Variants in PPP1R3F observed in about 807,000 individuals in gnomAD.
PPP1R3F encodes protein phosphatase 1 regulatory subunit 3F.
In PPP1R3F, 29 loss-of-function variants were observed where a neutral mutation model predicts 24.2. That is an observed-to-expected ratio of 1.20 (90% CI 0.89 to 1.63). The LOEUF (loss-of-function observed/expected upper bound fraction) is 1.63, where lower values mean the gene tolerates loss of function less well. Ranked by LOEUF, PPP1R3F falls within the 40% of genes most tolerant of loss-of-function variation. PPP1R3F has a pLI of 0.00. For synonymous variants in PPP1R3F, 363 were observed against 340.1 expected (o/e 1.07, Z -0.74); for missense variants, 823 against 729.3 (o/e 1.13, Z -1.48).
intron 3 of PPP1R3F, among the ~76,000 whole-genome samples, chrX:49,298,009 C>A (rs1224578269): frequency 9.1e-6 from 1 of 109,704 alleles, no homozygotes; most frequent in African/African-American, 3.3e-5. Context: ...GCATTTAGCC[C>A]GTTTACATTT....
intron 3 of PPP1R3F, among the ~76,000 whole-genome samples, chrX:49,298,952 G>A (rs1307244403): frequency 9.1e-6 from 1 of 109,530 alleles, no homozygotes; most frequent in Non-Finnish European, 1.9e-5. Flanking sequence ...GTAAGAACAT[G>A]CTCCTTTAGC....
chrX:49,276,973 G>GC lies in PPP1R3F; in HGVS notation c.1005-4433_1005-4432insC, dbSNP rs1335645149. ...TCAGGTTGACTACATGGGAGCCGGG[G>GC]TCTGCTGAGTTTCCCTTTGGGTTTC... On this transcript the variant is annotated intron_variant, in intron 1 of 3. Coordinates refer to ENST00000055335, the MANE Select transcript of PPP1R3F (RefSeq NM_033215.5). Among the ~76,000 whole-genome samples the GC allele has an allele frequency of 2.7e-5, 3 of 112,517 alleles. No individual in the cohort carries two copies. In the Admixed American group the frequency reaches 2.8e-4, roughly 11 times the overall value.
downstream of PPP1R3F, among the ~76,000 whole-genome samples, chrX:49,291,087 A>G (rs1328055152): frequency 2.3e-4 from 26 of 111,836 alleles, no homozygotes; most frequent in Admixed American, 2.5e-3. Flanking sequence ...CCTGGGTTCA[A>G]GTGATCCTCC....
downstream of PPP1R3F, among the ~76,000 whole-genome samples, chrX:49,288,684 G>A (rs1447940194): frequency 8.9e-6 from 1 of 112,393 alleles, no homozygotes; most frequent in Non-Finnish European, 1.9e-5. Flanking sequence ...AAGGAAGTGT[G>A]TTAGACCAGT....
At chrX:49,298,659 T>G (rs782248945) in intron 3 of PPP1R3F, among the ~76,000 whole-genome samples, 1 of 111,805 alleles carries the variant, frequency 8.9e-6, no homozygotes, top group South Asian at 3.7e-4. Flanking sequence ...CAGTCAAATG[T>G]AGGTTTGGTC....
intron 3 of PPP1R3F, among the ~76,000 whole-genome samples, chrX:49,295,739 C>T (rs1428854159): frequency 9.0e-6 from 1 of 110,685 alleles, no homozygotes; most frequent in East Asian, 2.8e-4. Flanking sequence ...GCCAGTGAAA[C>T]CATCTGGACC....
intron 3 of PPP1R3F, among the ~76,000 whole-genome samples, chrX:49,296,892 A>T (rs782639868): frequency 9.0e-6 from 1 of 111,434 alleles, no homozygotes; most frequent in African/African-American, 3.3e-5. Flanking sequence ...GTTTGTTATG[A>T]TTTCTGTTCT....
rs782121954 is a variant in PPP1R3F at position 49,270,700 on chromosome X, C to T, written c.831C>T (p.His277=). 23 of 1,207,539 alleles carry T rather than the reference C, an allele frequency of 1.9e-5. No individual in the cohort carries two copies. In the South Asian group the frequency reaches 2.5e-4, roughly 13 times the overall value. Residue 277 remains histidine (H), a synonymous_variant, in exon 1 of 4, where the codon CAC becomes CAT. Transcript: ENST00000055335. ...TPEGTFWANN[H]GRNYTVLLRI... is the part of the protein sequence containing the mutation. ...AGGGCACTTTCTGGGCCAACAACCA[C>T]GGCCGCAACTACACAGTCCTGCTCC...
At chrX:49,271,024 A>C in intron 1 of PPP1R3F, 151 bp downstream of exon 1, 1 of 545,480 alleles carries the variant, frequency 1.8e-6, no homozygotes. Flanking sequence ...GAGGTCAAAC[A>C]CGTGCTAGGC....
At chrX:49,291,275 G>A (rs918522787), downstream of PPP1R3F, among the ~76,000 whole-genome samples, 4 of 57,155 alleles carry the variant, frequency 7.0e-5, no homozygotes, top group Non-Finnish European at 1.2e-4. Flanking sequence ...GCATGAGCAC[G>A]TCCAGCCTAC....
chrX:49,283,935 C>G (rs2066264510), intron 3 of PPP1R3F, among the ~76,000 whole-genome samples: 1 of 111,482 alleles, frequency 9.0e-6, no homozygotes, highest in African/African-American at 3.3e-5. Flanking sequence ...TAAAGAAAAA[C>G]TGTCCCACAC....
At chrX:49,282,443 C>CTGTGTGTGTGTGTGTGTG (rs545507997) in intron 3 of PPP1R3F, among the ~76,000 whole-genome samples, 2 of 73,950 alleles carry the variant, frequency 2.7e-5, no homozygotes, top group African/African-American at 1.1e-4. Context: ...GTGAGAGACT[C>CTGTGTGTGTGTGTGTGTG]TGTGTGTGTG....
chrX:49,291,288 TTCTCTCTCTCTC>T (rs781932322), downstream of PPP1R3F, among the ~76,000 whole-genome samples: 15 of 50,613 alleles, frequency 3.0e-4, no homozygotes, highest in African/African-American at 7.2e-4. Flanking sequence ...CAGCCTACTT[TTCTCTCTCTCTC>T]TCTCTCTCTC....
chrX:49,275,676 G>A (rs1156510294), intron 1 of PPP1R3F: 1 of 112,459 alleles, frequency 8.9e-6, no homozygotes, highest in East Asian at 2.8e-4. Context: ...GAGGGGTAGG[G>A]ACATGGTCTG....
Position 49,269,822 on chromosome X carries a change from C to CCCGCCGGTCCCG in PPP1R3F, c.-39_-28dup, listed in dbSNP as rs1259531452. On this transcript the variant is annotated 5_prime_UTR_variant, in exon 1 of 4. Transcript: ENST00000055335. ...GCTGCCCGCCCCTTCAGGCCCTGCC[C>CCCGCCGGTCCCG]CCGCCGGTCCCGCCGCCGGTGCCGT... 9.8e-6 allele frequency: 8 copies of CCCGCCGGTCCCG among 814,549 alleles called. No individual in the cohort carries two copies. Among genetic ancestry groups the CCCGCCGGTCCCG allele is most frequent in the East Asian group, 1.1e-4 (2 of 17,394 alleles). The allele number at this position is 814,549 out of a possible 1,213,427, so 67.1% of individuals were successfully genotyped here.
At chrX:49,291,288 T>TCTC (rs2066307550), downstream of PPP1R3F, among the ~76,000 whole-genome samples, 1 of 50,612 alleles carries the variant, frequency 2.0e-5, no homozygotes, top group Non-Finnish European at 4.5e-5. Context: ...CAGCCTACTT[T>TCTC]TCTCTCTCTC....
In PPP1R3F at chrX:49,286,013, G is replaced by T; in HGVS notation, c.1323G>T (p.Glu441Asp). 2.5e-6 allele frequency: 3 copies of T among 1,177,260 alleles called. No homozygotes were observed. Among genetic ancestry groups the T allele is most frequent in the Non-Finnish European group, 3.4e-6 (3 of 876,006 alleles). The change falls in exon 4 of 4, where the codon GAG becomes GAT. Residue 441 changes from glutamate (E) to aspartate (D), a missense_variant. Coordinates refer to ENST00000055335, the MANE Select transcript of PPP1R3F (RefSeq NM_033215.5). ...RDQASGPDAS[E>D]GATGPFLEPS... The stretch of plus-strand genomic sequence containing the variant: ...AGGCCTCAGGGCCCGATGCGAGCGA[G>T]GGGGCCACCGGGCCTTTCCTGGAGC...
At chrX:49,279,187 C>T (rs912457617) in intron 1 of PPP1R3F, among the ~76,000 whole-genome samples, 2 of 110,991 alleles carry the variant, frequency 1.8e-5, no homozygotes. Flanking sequence ...TCCAGGAGTT[C>T]ACGACCAGCC....
At position 49,281,402 on chromosome X, in the gene PPP1R3F, G is replaced by T; in HGVS notation, c.1005-4G>T. 1 of 1,203,731 alleles carries T rather than the reference G, an allele frequency of 8.3e-7. No homozygotes were observed. The highest frequency in any genetic ancestry group is 1.8e-5 in the South Asian group (1 of 55,931). On this transcript the variant is annotated splice_region_variant and splice_polypyrimidine_tract_variant and intron_variant, in intron 1 of 3. Coordinates refer to ENST00000055335, the MANE Select transcript of PPP1R3F (RefSeq NM_033215.5). ...ATCCATGTACTCTCTCCTCTGCCCT[G>T]CAGGCCTGCCGAGGAGGAACTGAAG...
Sources: allele counts gnomAD v4.1 joint callset (sites outside exome capture counted in the v4.1 genomes callset), GRCh38; gene constraint gnomAD v4.1.1; transcripts MANE v1.5; gene names NCBI Gene and HGNC (gene_info 2026-07-23, HGNC 2026-07-21).